Variants in TMEM232 observed in about 807,000 individuals in gnomAD.
The protein encoded by TMEM232 is transmembrane protein 232.
In TMEM232, 80 loss-of-function variants were observed where a neutral mutation model predicts 78.8. The observed-to-expected ratio is 1.01, with a 90% CI of 0.85 to 1.22. TMEM232 has a LOEUF of 1.22. TMEM232 is among the 50% of genes most tolerant of loss of function. The pLI, the probability that TMEM232 is intolerant of heterozygous loss-of-function variation, is 0.00. For missense variants in TMEM232, 881 were observed against 742.2 expected (o/e 1.19, Z -2.17); for synonymous variants, 297 against 254.3 (o/e 1.17, Z -1.60).
intron 11 of TMEM232, among the ~76,000 whole-genome samples, chr5:110,545,337 T>A (rs975506895): frequency 6.6e-6 from 1 of 152,010 alleles, no homozygotes; most frequent in Non-Finnish European, 1.5e-5. Context: ...TTAATATACA[T>A]TATATATATG....
chr5:110,663,533 GA>G (rs528849776), intron 2 of TMEM232, among the ~76,000 whole-genome samples: 1,792 of 151,152 alleles, frequency 0.012, 47 homozygotes, highest in African/African-American at 0.041. Flanking sequence ...ATACCCATAT[GA>G]AAAAAAACAC....
At chr5:110,466,898 T>TTG (rs36031837) in intron 12 of TMEM232, among the ~76,000 whole-genome samples, 9,665 of 149,720 alleles carry the variant, frequency 0.065, 670 homozygotes, top group African/African-American at 0.18. Context: ...ACTATAGTAT[T>TTG]TGTGTGTGTG....
downstream of TMEM232, chr5:110,417,996 G>A (rs2112595351): frequency 6.6e-6 from 1 of 152,224 alleles, no homozygotes; most frequent in Middle Eastern, 3.4e-3. Context: ...AGCAATAACT[G>A]GGCAATGTCT....
At chr5:110,586,788 A>T (rs1778868949) in intron 10 of TMEM232, among the ~76,000 whole-genome samples, 1 of 152,126 alleles carries the variant, frequency 6.6e-6, no homozygotes, top group East Asian at 1.9e-4. Context: ...AATAAGCCAT[A>T]GGTAATCAGA....
chr5:110,434,166 G>GAA (rs538272943), intron 12 of TMEM232, among the ~76,000 whole-genome samples: 4 of 141,236 alleles, frequency 2.8e-5, no homozygotes, highest in Admixed American at 2.1e-4. Context: ...AAGAATAAAT[G>GAA]AAAAAAAAAA....
At chr5:110,508,886 G>GTATATATGTATATATATAAAAT (rs1767298499) in intron 12 of TMEM232, among the ~76,000 whole-genome samples, 1 of 134,772 alleles carries the variant, frequency 7.4e-6, no homozygotes, top group African/African-American at 2.8e-5. Flanking sequence ...ATATATATGT[G>GTATATATGTATATATATAAAAT]TATATATGTA....
intron 8 of TMEM232, among the ~76,000 whole-genome samples, chr5:110,613,829 T>C (rs879746116): frequency 2.4e-4 from 36 of 152,162 alleles, no homozygotes; most frequent in Admixed American, 1.8e-3. Context: ...TCTGGAGTTA[T>C]GGCCTCTTGA....
At chr5:110,612,874 CTT>C (rs370235931) in intron 8 of TMEM232, among the ~76,000 whole-genome samples, 214 of 152,246 alleles carry the variant, frequency 1.4e-3, no homozygotes, top group Middle Eastern at 3.4e-3. Flanking sequence ...TTTGCGTTGA[CTT>C]GAGCTATCTC....
At chr5:110,694,950 A>C (rs1027980485) in intron 1 of TMEM232, among the ~76,000 whole-genome samples, 1 of 152,212 alleles carries the variant, frequency 6.6e-6, no homozygotes, top group Non-Finnish European at 1.5e-5. Flanking sequence ...CACCAAGAGG[A>C]CTTAATAGAC....
chr5:110,548,088 T>G (rs1774002889), intron 11 of TMEM232, among the ~76,000 whole-genome samples: 1 of 149,292 alleles, frequency 6.7e-6, no homozygotes, highest in African/African-American at 2.5e-5. Flanking sequence ...GCTACAAAAG[T>G]GTTTTCCTCG....
chr5:110,705,826 G>T (rs1795882765), intron 1 of TMEM232, among the ~76,000 whole-genome samples: 1 of 150,956 alleles, frequency 6.6e-6, no homozygotes, highest in Non-Finnish European at 1.5e-5. Flanking sequence ...ACATAGTAAA[G>T]ACATTCAGGA....
chr5:110,641,781 G>A (rs546990745), intron 3 of TMEM232, among the ~76,000 whole-genome samples: 1 of 152,168 alleles, frequency 6.6e-6, no homozygotes, highest in East Asian at 1.9e-4. Flanking sequence ...GCAAAGCAAG[G>A]ACTTACTTTA....
At chr5:110,390,182 C>T (rs1755128958) in intron 4 of TMEM232, among the ~76,000 whole-genome samples, 1 of 152,184 alleles carries the variant, frequency 6.6e-6, no homozygotes, top group South Asian at 2.1e-4. Context: ...TCCCACATTC[C>T]ATGAGTGTTA....
At chr5:110,727,243 C>A (rs1798246340), upstream of TMEM232, among the ~76,000 whole-genome samples, 1 of 152,086 alleles carries the variant, frequency 6.6e-6, no homozygotes. Flanking sequence ...TACTAACGAG[C>A]AACTGTATAT....
chr5:110,551,563 G>A (rs1222876653), intron 11 of TMEM232, among the ~76,000 whole-genome samples: 2 of 152,114 alleles, frequency 1.3e-5, no homozygotes, highest in African/African-American at 4.8e-5. Flanking sequence ...GAGAAAATAA[G>A]AGACAATGGA....
rs149534428 is a variant in TMEM232 at position 110,648,781 on chromosome 5, C to T, written c.126-6410G>A. Among the ~76,000 whole-genome samples the T allele has an allele frequency of 7.2e-5, 11 of 152,168 alleles. No individual in the cohort carries two copies. In the East Asian group the frequency reaches 1.9e-3, roughly 27 times the overall value. On this transcript the variant is annotated intron_variant, in intron 2 of 13. Transcript: ENST00000455884. ...AGGAGAATCTTTGGGCTCTCCTAAACGCATGTTCTTTGCAGGACTTTTTAA... is the reference window on the plus strand; with the variant it reads ...AGGAGAATCTTTGGGCTCTCCTAAATGCATGTTCTTTGCAGGACTTTTTAA...
chr5:110,464,229 C>T (rs751071629), intron 12 of TMEM232, among the ~76,000 whole-genome samples: 8 of 152,048 alleles, frequency 5.3e-5, no homozygotes, highest in South Asian at 2.1e-4. Flanking sequence ...ATCAGCAGAA[C>T]GCAGTGGCTG....
At chr5:110,503,597 T>C (rs73220794) in intron 12 of TMEM232, among the ~76,000 whole-genome samples, 5,819 of 152,184 alleles carry the variant, frequency 0.038, 381 homozygotes, top group African/African-American at 0.13. Context: ...TAAGGAATGA[T>C]TGATTCCACT....
intron 5 of TMEM232, among the ~76,000 whole-genome samples, chr5:110,633,315 A>G (rs560373157): frequency 6.6e-6 from 1 of 152,304 alleles, no homozygotes; most frequent in South Asian, 2.1e-4. Context: ...TGGGTAAAGC[A>G]AAGACACAAA....
Sources: gnomAD v4.1 joint callset for allele counts (sites outside exome capture counted in the v4.1 genomes callset) on GRCh38, gnomAD v4.1.1 for gene constraint, MANE v1.5 for transcripts, NCBI Gene and HGNC (gene_info 2026-07-23, HGNC 2026-07-21) for gene names.